The following CMYA5 variants were observed in gnomAD, a reference collection of about 807,000 sequenced individuals.
CMYA5 encodes the protein cardiomyopathy associated 5, also known as cardiomyopathy-associated protein 5.
CMYA5 carries 246 observed loss-of-function variants against 318.9 expected under a neutral mutation model. The observed-to-expected ratio is 0.77, with a 90% CI of 0.70 to 0.86. The LOEUF is 0.86. Ranked by LOEUF, CMYA5 falls within the 40% of genes least tolerant of loss-of-function variation. CMYA5 has a pLI of 0.00. For synonymous variants in CMYA5, 1,641 were observed against 1,729.5 expected (o/e 0.95, Z 1.27); for missense variants, 4,589 against 4,678.2 (o/e 0.98, Z 0.56).
At chr5:79,748,010 A>G (rs1259381963) in intron 5 of CMYA5, among the ~76,000 whole-genome samples, 3 of 152,228 alleles carry the variant, frequency 2.0e-5, no homozygotes. Flanking sequence ...AATTGAAATC[A>G]CACAGATGAA....
intron 1 of CMYA5, among the ~76,000 whole-genome samples, chr5:79,705,130 G>A (rs1303383980): frequency 6.6e-6 from 1 of 152,138 alleles, no homozygotes; most frequent in African/African-American, 2.4e-5. Context: ...AAATTAACCA[G>A]GCGTGGTGGC....
At chr5:79,700,154 TAC>T (rs1309074943) in intron 1 of CMYA5, among the ~76,000 whole-genome samples, 11 of 152,260 alleles carry the variant, frequency 7.2e-5, no homozygotes, top group African/African-American at 2.7e-4. Flanking sequence ...CTCAACCTGC[TAC>T]AGTTTTCACT....
intron 1 of CMYA5, among the ~76,000 whole-genome samples, chr5:79,726,119 T>C (rs1827742979): frequency 6.6e-6 from 1 of 152,194 alleles, no homozygotes; most frequent in African/African-American, 2.4e-5. Flanking sequence ...AGTGAATCAG[T>C]AGGGCTCTCC....
intron 9 of CMYA5, among the ~76,000 whole-genome samples, chr5:79,778,785 C>CA (rs1485338009): frequency 7.9e-6 from 1 of 125,950 alleles, no homozygotes; most frequent in African/African-American, 3.5e-5. Context: ...AAAATGCCCC[C>CA]ATGCCGCCTG....
At chr5:79,751,428 C>T (rs1580786425) in intron 5 of CMYA5, among the ~76,000 whole-genome samples, 2 of 152,244 alleles carry the variant, frequency 1.3e-5, no homozygotes, top group South Asian at 4.2e-4. Flanking sequence ...TAATACCCAG[C>T]CCAAATGTTA....
intron 1 of CMYA5, among the ~76,000 whole-genome samples, chr5:79,700,470 A>G (rs1273499479): frequency 1.3e-5 from 2 of 152,340 alleles, no homozygotes; most frequent in African/African-American, 2.4e-5. Flanking sequence ...CCCTCAAACC[A>G]TGCCTTAAAA....
chr5:79,752,053 A>T (rs1025372591), intron 5 of CMYA5, among the ~76,000 whole-genome samples: 2 of 152,254 alleles, frequency 1.3e-5, no homozygotes, highest in Non-Finnish European at 2.9e-5. Flanking sequence ...ATCAGTTGGC[A>T]TTCCAGCTAA....
Position 79,733,364 on chromosome 5 carries a change from A to G in CMYA5, c.4599A>G (p.Leu1533=), listed in dbSNP as rs76025356. Residue 1533 remains leucine, a synonymous_variant, in exon 2 of 13, where the codon CTA becomes CTG. Coordinates refer to ENST00000446378, the MANE Select transcript of CMYA5 (RefSeq NM_153610.5). ...LEPEHELPLS[L]WGEIKKKETE... is the part of the protein sequence containing the mutation. ...CTGAACATGAGCTTCCACTCAGCCT[A>G]TGGGGTGAGATAAAGAAGAAAGAAA... The G allele has an allele frequency of 6.0e-4, 975 of 1,613,506 alleles. 9 individuals are homozygous for G. In the African/African-American group the frequency reaches 0.012, roughly 19 times the overall value.
chr5:79,713,831 G>T (rs1827460758), intron 1 of CMYA5, among the ~76,000 whole-genome samples: 1 of 152,124 alleles, frequency 6.6e-6, no homozygotes, highest in Admixed American at 6.5e-5. Context: ...TTTGGTTCGG[G>T]AGGAGTAGGG....
At chr5:79,759,042 C>T in intron 7 of CMYA5, 140 bp downstream of exon 7, 1 of 695,182 alleles carries the variant, frequency 1.4e-6, no homozygotes. Flanking sequence ...ACCCCAACAA[C>T]CATATAATGA....
chr5:79,767,589 C>T (rs1460003061), intron 9 of CMYA5, among the ~76,000 whole-genome samples: 1 of 152,180 alleles, frequency 6.6e-6, no homozygotes, highest in Non-Finnish European at 1.5e-5. Flanking sequence ...GCAGGTTGTT[C>T]AGTTTCCATG....
At chr5:79,771,490 T>A (rs183940425) in intron 9 of CMYA5, among the ~76,000 whole-genome samples, 1 of 152,196 alleles carries the variant, frequency 6.6e-6, no homozygotes, top group East Asian at 1.9e-4. Flanking sequence ...CCGTCCCCAG[T>A]TGGCATTTGC....
chr5:79,749,480 T>G (rs1828391749), intron 5 of CMYA5, among the ~76,000 whole-genome samples: 1 of 152,202 alleles, frequency 6.6e-6, no homozygotes. Flanking sequence ...ATGTGGATCT[T>G]TTTCAATAAA....
chr5:79,777,611 A>T (rs1232065839), intron 9 of CMYA5, among the ~76,000 whole-genome samples: 2 of 151,522 alleles, frequency 1.3e-5, no homozygotes, highest in East Asian at 1.9e-4. Context: ...ATCTCTACTT[A>T]AAAAAATACA....
At chr5:79,788,041 C>A (rs1328495074) in intron 9 of CMYA5, among the ~76,000 whole-genome samples, 1 of 152,074 alleles carries the variant, frequency 6.6e-6, no homozygotes, top group Non-Finnish European at 1.5e-5. Flanking sequence ...AAACCCTACC[C>A]TTCTGAGAAT....
rs1348785268 is a variant in CMYA5 at position 79,738,428 on chromosome 5, A to G, written c.9663A>G (p.Ala3221=). 2 of 1,613,632 alleles carry G rather than the reference A, an allele frequency of 1.2e-6. No homozygotes were observed. The highest frequency in any genetic ancestry group is 2.7e-5 in the African/African-American group (2 of 74,910). The change falls in exon 2 of 13, where the codon GCA becomes GCG. Residue 3221 remains alanine, a synonymous_variant. Coordinates refer to ENST00000446378, the MANE Select transcript of CMYA5 (RefSeq NM_153610.5). ...ASEGDSVNSE[A]SFPSRNSDTD... ...AAGGTGACAGTGTGAATTCTGAGGC[A>G]TCATTTCCCAGCAGAAATTCTGACA...
chr5:79,771,710 G>T (rs1023943003), intron 9 of CMYA5, among the ~76,000 whole-genome samples: 1 of 152,180 alleles, frequency 6.6e-6, no homozygotes, highest in Admixed American at 6.5e-5. Flanking sequence ...CTATGAGGCA[G>T]TTAGTGATCT....
At chr5:79,710,336 C>T (rs1287725599) in intron 1 of CMYA5, among the ~76,000 whole-genome samples, 1 of 152,018 alleles carries the variant, frequency 6.6e-6, no homozygotes, top group Non-Finnish European at 1.5e-5. Context: ...GTTTTAATTG[C>T]TACTACCCTA....
At chr5:79,717,878 T>C (rs1679684967) in intron 1 of CMYA5, among the ~76,000 whole-genome samples, 1 of 111,532 alleles carries the variant, frequency 9.0e-6, no homozygotes, top group Non-Finnish European at 1.7e-5. Context: ...CCTTTTAACC[T>C]AAGCTATTTT....
Sources: allele counts gnomAD v4.1 joint callset (sites outside exome capture counted in the v4.1 genomes callset), GRCh38; gene constraint gnomAD v4.1.1; transcripts MANE v1.5; gene names NCBI Gene and HGNC (gene_info 2026-07-23, HGNC 2026-07-21).